FCN1: variants seen among roughly 807,000 people sequenced by gnomAD.
FCN1 encodes ficolin 1, also known as ficolin-1.
FCN1 carries 42 observed loss-of-function variants against 35.6 expected under a neutral mutation model. That is an observed-to-expected ratio of 1.18 (90% CI 0.92 to 1.53). The LOEUF is 1.53. FCN1 is among the 40% of genes most tolerant of loss of function. The probability of loss-of-function intolerance (pLI) is 0.00; values close to 1 mark genes in which losing one functional copy is unlikely to be tolerated. For missense variants in FCN1, 439 were observed against 428.4 expected (o/e 1.02, Z -0.22); for synonymous variants, 179 against 169.8 (o/e 1.05, Z -0.42).
chr9:134,915,834 A>G (rs1406636087), intron 2 of FCN1, among the ~76,000 whole-genome samples: 1 of 152,126 alleles, frequency 6.6e-6, no homozygotes, highest in Non-Finnish European at 1.5e-5. Context: ...TCATTCTCCC[A>G]TGTTCCCTGC....
chr9:134,909,647 A>G lies in FCN1; in HGVS notation c.*151T>C, dbSNP rs1830995801. 6.3e-7 allele frequency: 1 copy of G among 1,590,980 alleles called. No homozygotes were observed. The highest frequency in any genetic ancestry group is 8.5e-7 in the Non-Finnish European group (1 of 1,175,314). ...TTCTCCCTCTGGTGAGGTTGTGGGC[A>G]TGTGGCGGCTTGACTGAGCTGGGGG... On this transcript the variant is annotated 3_prime_UTR_variant, in exon 9 of 9. Coordinates refer to ENST00000371806, the MANE Select transcript of FCN1 (RefSeq NM_002003.5).
chr9:134,911,214 C>T lies in FCN1; in HGVS notation c.652G>A (p.Ala218Thr), dbSNP rs148649884. The T allele has an allele frequency of 6.3e-4, 1,019 of 1,614,126 alleles. No homozygotes were observed. The highest frequency in any genetic ancestry group is 7.6e-4 in the Non-Finnish European group (900 of 1,179,976). Residue 218 changes from alanine to threonine, a missense_variant, in exon 8 of 9, where the codon GCT becomes ACT. Transcript: ENST00000371806. ...GCCACCTTGAATGATTTGTACTTAG[C>T]AAACTGGTGGTTGCCCTCAAAGTCC... The part of the protein sequence containing the change: ...LVDFEGNHQF[A>T]KYKSFKVADE...
At chr9:134,913,643 A>G (rs977481331) in intron 4 of FCN1, 30 bp from the exon 5 acceptor site, 9 of 1,583,512 alleles carry the variant, frequency 5.7e-6, no homozygotes, top group Middle Eastern at 3.4e-4. Flanking sequence ...ACTTGTCATA[A>G]GCTTGAAATC....
rs948690065 is a variant in FCN1 at position 134,908,848 on chromosome 9, G to A, written c.*950C>T. 1.4e-5 allele frequency: 3 copies of A among 207,064 alleles called. No individual in the cohort carries two copies. Among genetic ancestry groups the A allele is most frequent in the South Asian group, 1.5e-4 (2 of 13,354 alleles). 12.8% of individuals were successfully genotyped at this position (207,064 alleles called of 1,614,324 possible). A position where few individuals can be genotyped will look rare whatever the true frequency, so the allele number is the denominator to read the frequency against. Reference sequence around the variant, plus strand: ...CACTCCATTTGTGGTGACTGGTTGCGGCAATAGTAGAAAACTAAAGATTTG... The same window carrying A: ...CACTCCATTTGTGGTGACTGGTTGCAGCAATAGTAGAAAACTAAAGATTTG... On this transcript the variant is annotated 3_prime_UTR_variant, in exon 9 of 9. Transcript: ENST00000371806.
At chr9:134,917,320 C>T (rs1831103930) in intron 1 of FCN1, among the ~76,000 whole-genome samples, 1 of 152,192 alleles carries the variant, frequency 6.6e-6, no homozygotes, top group Admixed American at 6.5e-5. Context: ...ACCTTACCAC[C>T]GTTCAAACCC....
chr9:134,914,370 C>T lies in FCN1; in HGVS notation c.307+15G>A. The T allele has an allele frequency of 1.2e-6, 2 of 1,613,568 alleles. No individual in the cohort carries two copies. ...AGCCTGCAGAGACAACTGCCTGGGC[C>T]CACGGGTGGCTCACCTTTCTCTCCA... is the stretch of plus-strand genomic sequence containing the variant. On this transcript the variant is annotated intron_variant, in intron 4 of 8. Transcript: ENST00000371806.
chr9:134,916,298 A>C, intron 2 of FCN1, 50 bp downstream of exon 2: 29 of 1,366,684 alleles, frequency 2.1e-5, no homozygotes, highest in Non-Finnish European at 2.8e-5. Flanking sequence ...ATAAAGAGCA[A>C]GAGCCAGTGC....
rs1488048673 is a variant in FCN1, at chr9:134,905,462, T to C, written c.*4336A>G. ...GGAGGAATTGGTGATGGGAAAAGAC[T>C]CTTCATCTCTTCATAAGCTTGCTTT... On this transcript the variant is annotated 3_prime_UTR_variant, in exon 9 of 9. Transcript: ENST00000371806. Among the ~76,000 whole-genome samples, 2 of 152,180 alleles carry C rather than the reference T, an allele frequency of 1.3e-5. No homozygotes were observed. Among genetic ancestry groups the C allele is most frequent in the Non-Finnish European group, 2.9e-5 (2 of 68,042 alleles).
At chr9:134,917,681 C>T (rs1831107906) in intron 1 of FCN1, 88 bp downstream of exon 1, 2 of 799,712 alleles carry the variant, frequency 2.5e-6, no homozygotes, top group East Asian at 4.9e-5. Context: ...GGAAGATGTG[C>T]ATAAAAGGTT....
In FCN1 at chr9:134,909,929, G is replaced by A; in HGVS notation, c.850C>T (p.His284Tyr). 1 of 1,614,144 alleles carries A rather than the reference G, an allele frequency of 6.2e-7. No homozygotes were observed. The highest frequency in any genetic ancestry group is 1.1e-5 in the South Asian group (1 of 91,080). Residue 284 changes from histidine (H) to tyrosine (Y), a missense_variant, in exon 9 of 9, where the codon CAT becomes TAT. By Grantham distance (83) the His-to-Tyr change is moderately conservative. Coordinates refer to ENST00000371806, the MANE Select transcript of FCN1 (RefSeq NM_002003.5). ...FQGAWWYADC[H>Y]ASNLNGLYLM... ...TAGAGACCATTGAGGTTTGAAGCATGACAGTCGGCGTACCACCAGGCTCCT... is the reference window on the plus strand; with the variant it reads ...TAGAGACCATTGAGGTTTGAAGCATAACAGTCGGCGTACCACCAGGCTCCT...
At chr9:134,914,445 GC>G (rs1831065967) in intron 3 of FCN1, 25 bp from the exon 4 acceptor site, 2 of 1,611,504 alleles carry the variant, frequency 1.2e-6, no homozygotes, top group African/African-American at 1.3e-5. Context: ...AGGATAATGA[GC>G]TTTTGACCCC....
intron 1 of FCN1, among the ~76,000 whole-genome samples, chr9:134,916,804 C>T (rs1285872972): frequency 2.6e-5 from 4 of 152,228 alleles, no homozygotes; most frequent in Non-Finnish European, 5.9e-5. Context: ...GCTTAATAAA[C>T]AGCGGGCACT....
rs147880562 is a variant in FCN1 at position 134,912,324 on chromosome 9, T to C, written c.598+162A>G. ...TTCCCTTCCCGATGTTGCCAGAGCC[T>C]GCGGCAGGGGACGCAGCCCTTAGAG... On this transcript the variant is annotated intron_variant, in intron 7 of 8. Coordinates refer to ENST00000371806, the MANE Select transcript of FCN1 (RefSeq NM_002003.5). Among the ~76,000 whole-genome samples the C allele has an allele frequency of 1.3e-3, 193 of 152,274 alleles. 1 individual carries two copies. The highest frequency in any genetic ancestry group is 4.4e-3 in the African/African-American group (181 of 41,558).
chr9:134,912,006 C>T (rs1831028800), intron 7 of FCN1, among the ~76,000 whole-genome samples: 1 of 151,908 alleles, frequency 6.6e-6, no homozygotes, highest in Non-Finnish European at 1.5e-5. Context: ...AGCAATTATA[C>T]AGACTGCCTC....
chr9:134,911,341 A>G, intron 7 of FCN1, 74 bp from the exon 8 acceptor site: 6 of 1,242,244 alleles, frequency 4.8e-6, no homozygotes, highest in Non-Finnish European at 6.7e-6. Context: ...GGGGATGGGT[A>G]ATTTTTTTTT....
At position 134,916,390 on chromosome 9, in the gene FCN1, C is replaced by A; in HGVS notation, c.175G>T (p.Ala59Ser). The change falls in exon 2 of 9, where the codon GCC becomes TCC. Residue 59 changes from alanine to serine, a missense_variant. Physicochemically the swap from Ala to Ser is moderately conservative, Grantham distance 99 (BLOSUM62 1). Transcript: ENST00000371806. ...ILRGCPGLPG[A>S]PGPKGEAGVI... ...CCTGCCTCTCCCTTTGGCCCTGGGG[C>A]CCCGGGCAGCCCCGGGCAGCCTCGG... is the stretch of plus-strand genomic sequence containing the variant. The A allele has an allele frequency of 6.2e-7, 1 of 1,614,076 alleles. No individual in the cohort carries two copies. The highest frequency in any genetic ancestry group is 8.5e-7 in the Non-Finnish European group (1 of 1,179,986).
chr9:134,907,998 A>G lies in FCN1; in HGVS notation c.*1800T>C, dbSNP rs916310466. The G allele has an allele frequency of 1.3e-5, 2 of 151,618 alleles. No individual in the cohort carries two copies. Among genetic ancestry groups the G allele is most frequent in the Non-Finnish European group, 2.9e-5 (2 of 67,902 alleles). The allele number at this position is 151,618 out of a possible 1,614,324, so 9.4% of individuals were successfully genotyped here. A position where few individuals can be genotyped will look rare whatever the true frequency, so the allele number is the denominator to read the frequency against. On this transcript the variant is annotated 3_prime_UTR_variant, in exon 9 of 9. Coordinates refer to ENST00000371806, the MANE Select transcript of FCN1 (RefSeq NM_002003.5). Reference sequence around the variant, plus strand: ...AGAGGACTGTGTGTCTTCTTCTCCAACAGTTGATGCCAAGCCATTTTCCAG... The same window carrying G: ...AGAGGACTGTGTGTCTTCTTCTCCAGCAGTTGATGCCAAGCCATTTTCCAG...
intron 2 of FCN1, among the ~76,000 whole-genome samples, chr9:134,915,462 G>A (rs984739211): frequency 2.6e-5 from 4 of 152,172 alleles, no homozygotes; most frequent in Admixed American, 6.5e-5. Context: ...TGGTTCAAGG[G>A]AAGTCTGAGC....
rs1161238818 is a variant in FCN1 at position 134,906,505 on chromosome 9, T to G, written c.*3293A>C. 6.6e-6 allele frequency: 1 copy of G among 152,186 alleles called. No homozygotes were observed. Among genetic ancestry groups the G allele is most frequent in the East Asian group, 1.9e-4 (1 of 5,200 alleles). 9.4% of individuals were successfully genotyped at this position (152,186 alleles called of 1,614,324 possible). On this transcript the variant is annotated 3_prime_UTR_variant, in exon 9 of 9. Coordinates refer to ENST00000371806, the MANE Select transcript of FCN1 (RefSeq NM_002003.5). ...CAGCTGTCTAATGAGAAAACCCTCC[T>G]TAGCACTAATTAATCTTTAAAAATC... is the stretch of plus-strand genomic sequence containing the variant.
Sources: gnomAD v4.1 joint callset for allele counts (sites outside exome capture counted in the v4.1 genomes callset) on GRCh38, gnomAD v4.1.1 for gene constraint, MANE v1.5 for transcripts, NCBI Gene and HGNC (gene_info 2026-07-23, HGNC 2026-07-21) for gene names.